The following SBF2 variants were observed in gnomAD, a reference collection of about 807,000 sequenced individuals.
SBF2 encodes myotubularin-related protein 13.
In SBF2, 112 loss-of-function variants were observed where a neutral mutation model predicts 225.2. The observed-to-expected ratio is 0.50, with a 90% CI of 0.43 to 0.58. The LOEUF (loss-of-function observed/expected upper bound fraction) is 0.58, where lower values mean the gene tolerates loss of function less well. SBF2 is among the 20% of genes least tolerant of loss of function. The probability of loss-of-function intolerance (pLI) is 0.00; values close to 1 mark genes in which losing one functional copy is unlikely to be tolerated. For missense variants in SBF2, 1,996 were observed against 2,206.2 expected, an observed-to-expected ratio of 0.90 and a Z score of 1.91; for synonymous variants, 763 against 773.3, an observed-to-expected ratio of 0.99 and a Z score of 0.22.
chr11:9,948,131 G>T (rs1050810096), intron 16 of SBF2, among the ~76,000 whole-genome samples: 1 of 151,582 alleles, frequency 6.6e-6, no homozygotes, highest in Non-Finnish European at 1.5e-5. Context: ...TCCGACACAT[G>T]CTACAATATT....
chr11:10,022,304 C>T (rs947618662), intron 6 of SBF2, among the ~76,000 whole-genome samples: 2 of 152,122 alleles, frequency 1.3e-5, no homozygotes, highest in African/African-American at 4.8e-5. Flanking sequence ...AGAATCAATA[C>T]ACATCAGCCC....
chr11:9,814,483 A>C (rs972476593), intron 29 of SBF2, among the ~76,000 whole-genome samples: 4 of 151,982 alleles, frequency 2.6e-5, no homozygotes, highest in Admixed American at 2.0e-4. Flanking sequence ...ATAGGAAAAA[A>C]CCCCCAGGGA....
chr11:10,211,146 C>T (rs1701096398), intron 1 of SBF2, among the ~76,000 whole-genome samples: 1 of 151,678 alleles, frequency 6.6e-6, no homozygotes. Context: ...GCTCATGTCA[C>T]TGGTATCCAG....
intron 1 of SBF2, among the ~76,000 whole-genome samples, chr11:10,274,277 A>G (rs1344924560): frequency 6.6e-6 from 1 of 152,218 alleles, no homozygotes; most frequent in African/African-American, 2.4e-5. Flanking sequence ...CATTTTATTA[A>G]GAGAATTTTA....
intron 32 of SBF2, among the ~76,000 whole-genome samples, chr11:9,799,906 CT>C (rs1208620452): frequency 6.6e-6 from 1 of 152,176 alleles, no homozygotes; most frequent in Non-Finnish European, 1.5e-5. Flanking sequence ...ATTTGCATAT[CT>C]TTGGTGAAAT....
chr11:10,112,903 T>G (rs1267404025), intron 2 of SBF2, among the ~76,000 whole-genome samples: 1 of 152,168 alleles, frequency 6.6e-6, no homozygotes, highest in Non-Finnish European at 1.5e-5. Flanking sequence ...CAGAAAACAA[T>G]TTTTCTATCT....
intron 1 of SBF2, among the ~76,000 whole-genome samples, chr11:10,251,023 T>C (rs1288486755): frequency 6.6e-6 from 1 of 152,236 alleles, no homozygotes; most frequent in Non-Finnish European, 1.5e-5. Flanking sequence ...TTTTCCTTAT[T>C]TATGCCTCCA....
At chr11:10,209,669 T>A (rs963044969) in intron 1 of SBF2, among the ~76,000 whole-genome samples, 14 of 152,080 alleles carry the variant, frequency 9.2e-5, no homozygotes, top group Non-Finnish European at 1.6e-4. Flanking sequence ...GATTTTCTAT[T>A]ATTTCTATAA....
intron 2 of SBF2, among the ~76,000 whole-genome samples, chr11:10,122,822 T>C (rs1413369321): frequency 6.6e-6 from 1 of 152,216 alleles, no homozygotes; most frequent in African/African-American, 2.4e-5. Context: ...ACACATTACT[T>C]GTATGCATCA....
intron 2 of SBF2, among the ~76,000 whole-genome samples, chr11:10,063,864 G>A (rs1010241038): frequency 6.9e-6 from 1 of 144,074 alleles, no homozygotes; most frequent in African/African-American, 2.5e-5. Flanking sequence ...CACACAGAGA[G>A]AGAGAGAGAG....
intron 2 of SBF2, among the ~76,000 whole-genome samples, chr11:10,065,654 A>T (rs1353849087): frequency 1.3e-5 from 2 of 152,182 alleles, no homozygotes; most frequent in Non-Finnish European, 2.9e-5. Context: ...AAATTCTCTA[A>T]AAGACACAAA....
chr11:10,226,479 C>T (rs190750778), intron 1 of SBF2, among the ~76,000 whole-genome samples: 2 of 148,246 alleles, frequency 1.3e-5, no homozygotes, highest in Admixed American at 1.3e-4. Flanking sequence ...ATCCCTCCCC[C>T]CTCCCCAACC....
chr11:10,137,744 C>T (rs893803301), intron 2 of SBF2, among the ~76,000 whole-genome samples: 1 of 152,122 alleles, frequency 6.6e-6, no homozygotes, highest in Non-Finnish European at 1.5e-5. Context: ...CGGTGGTTCA[C>T]GTCTGTAATC....
rs545125824 is a variant in SBF2 at position 10,257,424 on chromosome 11, G to A, written c.55+36591C>T. Among the ~76,000 whole-genome samples, 46 of 152,212 alleles carry A rather than the reference G, an allele frequency of 3.0e-4. 1 individual carries two copies. The South Asian group carries it at 8.9e-3, about 30-fold the overall frequency. The stretch of plus-strand genomic sequence containing the variant: ...CTCACGCCTGCAATCCCAACACTTT[G>A]AGAGGCCTAAGTGGGAGGACCACTT... On this transcript the variant is annotated intron_variant, in intron 1 of 39. Coordinates refer to ENST00000256190, the MANE Select transcript of SBF2 (RefSeq NM_030962.4).
chr11:10,292,246 G>C (rs992391656), intron 1 of SBF2, among the ~76,000 whole-genome samples: 16 of 152,214 alleles, frequency 1.1e-4, no homozygotes, highest in African/African-American at 3.9e-4. Context: ...TCATGTAGGA[G>C]AACATTCTTG....
upstream of SBF2, chr11:10,294,244 G>C: frequency 2.3e-6 from 1 of 439,556 alleles, no homozygotes; most frequent in Non-Finnish European, 3.7e-6. Context: ...CCTAGTGCCC[G>C]CTCCTCCCCC....
chr11:10,260,961 T>C (rs1039914639), intron 1 of SBF2, among the ~76,000 whole-genome samples: 4 of 152,064 alleles, frequency 2.6e-5, no homozygotes, highest in Middle Eastern at 3.4e-3. Context: ...CACCACTACG[T>C]AAGTAGTAAC....
chr11:9,798,813 G>A (rs1387643081), intron 32 of SBF2, among the ~76,000 whole-genome samples: 3 of 151,946 alleles, frequency 2.0e-5, no homozygotes, highest in Non-Finnish European at 2.9e-5. Flanking sequence ...TTAGCTGGGC[G>A]TGGTGGCGGG....
chr11:9,914,979 G>C (rs1862953734), intron 16 of SBF2, among the ~76,000 whole-genome samples: 1 of 151,942 alleles, frequency 6.6e-6, no homozygotes, highest in Non-Finnish European at 1.5e-5. Context: ...CACTGTTGCT[G>C]TGAACTAAAA....
Sources: gnomAD v4.1 joint callset for allele counts (sites outside exome capture counted in the v4.1 genomes callset) on GRCh38, gnomAD v4.1.1 for gene constraint, MANE v1.5 for transcripts, NCBI Gene and HGNC (gene_info 2026-07-23, HGNC 2026-07-21) for gene names.